The following PCDHGA8 variants were observed in gnomAD, a reference collection of about 807,000 sequenced individuals.
The protein encoded by PCDHGA8 is protocadherin gamma subfamily A, 8.
PCDHGA8 carries 45 observed loss-of-function variants against 59.2 expected under a neutral mutation model. That is an observed-to-expected ratio of 0.76 (90% confidence interval 0.60 to 0.98). PCDHGA8 has a LOEUF of 0.98. PCDHGA8 is among the 50% of genes least tolerant of loss of function. The probability of loss-of-function intolerance (pLI) is 0.00; values close to 1 mark genes in which losing one functional copy is unlikely to be tolerated. For missense variants in PCDHGA8, 1,257 were observed against 1,196.2 expected (o/e 1.05, Z -0.75); for synonymous variants, 531 against 519.0 (o/e 1.02, Z -0.32).
At chr5:141,478,050 C>T (rs2099429383) in intron 1 of PCDHGA8, 1 of 1,614,066 alleles carries the variant, frequency 6.2e-7, no homozygotes, top group Non-Finnish European at 8.5e-7. Flanking sequence ...CAGACTCTCA[C>T]GGTCTTGATC....
chr5:141,409,875 A>G, intron 1 of PCDHGA8: 1 of 1,612,810 alleles, frequency 6.2e-7, no homozygotes, highest in Non-Finnish European at 8.5e-7. Flanking sequence ...CGCAATGACA[A>G]CGCACCGCGG....
intron 1 of PCDHGA8, chr5:141,421,903 G>A (rs757656265): frequency 6.2e-6 from 10 of 1,613,704 alleles, no homozygotes; most frequent in African/African-American, 1.3e-5. Flanking sequence ...CCGAAAGGGC[G>A]CAGTTCCCAT....
intron 1 of PCDHGA8, among the ~76,000 whole-genome samples, chr5:141,464,749 T>A (rs1026757405): frequency 6.6e-6 from 1 of 152,216 alleles, no homozygotes; most frequent in African/African-American, 2.4e-5. Context: ...ATCTTTTTGT[T>A]TTTTTAGAGA....
intron 1 of PCDHGA8, chr5:141,414,638 A>G: frequency 6.2e-7 from 1 of 1,613,988 alleles, no homozygotes; most frequent in Non-Finnish European, 8.5e-7. Flanking sequence ...AGCAAAGAGA[A>G]TGCCCAGATT....
intron 1 of PCDHGA8, chr5:141,418,035 T>C: frequency 6.2e-7 from 1 of 1,614,000 alleles, no homozygotes; most frequent in Non-Finnish European, 8.5e-7. Context: ...CTTAGTGTCC[T>C]GGATGTGTCG....
chr5:141,403,607 G>A (rs2094432931), intron 1 of PCDHGA8: 6 of 1,613,854 alleles, frequency 3.7e-6, no homozygotes, highest in Non-Finnish European at 5.1e-6. Flanking sequence ...GGATGGCGGC[G>A]AGCCGCGTCG....
chr5:141,440,564 A>G (rs531383065), intron 1 of PCDHGA8: 1 of 152,248 alleles, frequency 6.6e-6, no homozygotes, highest in Admixed American at 6.5e-5. Context: ...TAAGTTACGT[A>G]TCTCTGAGTT....
Position 141,476,598 on chromosome 5 carries a change from A to G in PCDHGA8, c.2425-18209A>G, listed in dbSNP as rs1222456783. The G allele has an allele frequency of 6.2e-7, 1 of 1,614,238 alleles. No homozygotes were observed. Among genetic ancestry groups the G allele is most frequent in the South Asian group, 1.1e-5 (1 of 91,088 alleles). On this transcript the variant is annotated intron_variant, in intron 1 of 3. Transcript: ENST00000398604. This position sits in a 1 kb window ranked among gnomAD's most constrained non-coding sequence, Gnocchi z 7.6. ...CGCTTTCCGCTCGAGAGCGCGCACG[A>G]TCCCGATGTGGGAAGCAACTCTTTA... is the stretch of plus-strand genomic sequence containing the variant.
intron 3 of PCDHGA8, among the ~76,000 whole-genome samples, chr5:141,507,805 G>C (rs2099863746): frequency 6.6e-6 from 1 of 152,204 alleles, no homozygotes; most frequent in Non-Finnish European, 1.5e-5. Flanking sequence ...TGCGCCCTGG[G>C]GAACGGACCC....
At chr5:141,404,482 C>T (rs758102201) in intron 1 of PCDHGA8, 2 of 1,613,594 alleles carry the variant, frequency 1.2e-6, no homozygotes, top group East Asian at 2.2e-5. Context: ...TTAACTCAGA[C>T]ACTGGTGTGC....
chr5:141,496,523 G>T (rs1159517569), intron 2 of PCDHGA8, among the ~76,000 whole-genome samples: 1 of 152,128 alleles, frequency 6.6e-6, no homozygotes, highest in Non-Finnish European at 1.5e-5. Context: ...GGAGCCCTTG[G>T]TGTATGGCAG....
At chr5:141,459,245 C>G (rs1040972875) in intron 1 of PCDHGA8, among the ~76,000 whole-genome samples, 1 of 152,180 alleles carries the variant, frequency 6.6e-6, no homozygotes, top group African/African-American at 2.4e-5. Context: ...TGCTTCCTGT[C>G]ACTATAAATT....
Position 141,511,344 on chromosome 5 carries a change from T to G in PCDHGA8, c.*171T>G, listed in dbSNP as rs2099883730. 3 of 1,419,052 alleles carry G rather than the reference T, an allele frequency of 2.1e-6. No homozygotes were observed. Among genetic ancestry groups the G allele is most frequent in the Non-Finnish European group, 2.8e-6 (3 of 1,067,404 alleles). 87.9% of individuals were successfully genotyped at this position (1,419,052 alleles called of 1,614,324 possible). On this transcript the variant is annotated 3_prime_UTR_variant, in exon 4 of 4. Coordinates refer to ENST00000398604, the MANE Select transcript of PCDHGA8 (RefSeq NM_032088.2). The stretch of plus-strand genomic sequence containing the variant: ...CAAGTGCCCAGTCAGCACCTACCCC[T>G]TCCCCCCCAGGGGGTTGAATATGCA...
chr5:141,456,229 C>G (rs191169523), intron 1 of PCDHGA8, among the ~76,000 whole-genome samples: 9 of 152,234 alleles, frequency 5.9e-5, no homozygotes, highest in African/African-American at 1.7e-4. Context: ...ATCAAACTAA[C>G]TGCTGTTAGG....
In PCDHGA8 at chr5:141,403,922, G is replaced by A. The variant is rs770450211; in HGVS notation, c.2424+8685G>A. ...TGAAATGGAAATACAAGCTGAAGAT[G>A]GTGGGGGATTGAAAGGGTGGACAAA... On this transcript the variant is annotated intron_variant, in intron 1 of 3. Transcript: ENST00000398604. 6.2e-6 allele frequency: 10 copies of A among 1,613,904 alleles called. No individual in the cohort carries two copies. The East Asian group carries it at 2.2e-4, about 36-fold the overall frequency.
intron 3 of PCDHGA8, among the ~76,000 whole-genome samples, chr5:141,508,439 T>C (rs1037512760): frequency 1.3e-5 from 2 of 152,188 alleles, no homozygotes; most frequent in African/African-American, 4.8e-5. Flanking sequence ...ACACAGTTCC[T>C]TAGTGGCAGA....
intron 1 of PCDHGA8, among the ~76,000 whole-genome samples, chr5:141,434,054 C>T (rs1241950753): frequency 6.6e-6 from 1 of 152,094 alleles, no homozygotes; most frequent in Non-Finnish European, 1.5e-5. Flanking sequence ...ATTCAATGGC[C>T]TGTAATCTGT....
Position 141,432,691 on chromosome 5 carries a change from G to T in PCDHGA8, c.2424+37454G>T. 1 of 1,613,942 alleles carries T rather than the reference G, an allele frequency of 6.2e-7. No individual in the cohort carries two copies. The highest frequency in any genetic ancestry group is 1.1e-5 in the South Asian group (1 of 91,068). On this transcript the variant is annotated intron_variant, in intron 1 of 3. Coordinates refer to ENST00000398604, the MANE Select transcript of PCDHGA8 (RefSeq NM_032088.2). This position sits in a 1 kb window ranked among gnomAD's most constrained non-coding sequence, Gnocchi z 6.0. ...ACGCGCTCAAGCAGAGCCTCGTAGT[G>T]GCCGTCCAGGACCACGGCCAGCCCC... is the stretch of plus-strand genomic sequence containing the variant.
In PCDHGA8 at chr5:141,466,692, A is replaced by G. The variant is rs185786515; in HGVS notation, c.2425-28115A>G. Among the ~76,000 whole-genome samples the G allele has an allele frequency of 3.0e-4, 46 of 152,280 alleles. 1 individual carries two copies. The highest frequency in any genetic ancestry group is 1.0e-3 in the African/African-American group (43 of 41,558). On this transcript the variant is annotated intron_variant, in intron 1 of 3. Coordinates refer to ENST00000398604, the MANE Select transcript of PCDHGA8 (RefSeq NM_032088.2). ...ACCGTTCTTCCACTCAAGCTTCATCATAAATTTGATGTCTGTTCTTGTTTC... is the reference window on the plus strand; with the variant it reads ...ACCGTTCTTCCACTCAAGCTTCATCGTAAATTTGATGTCTGTTCTTGTTTC...
Sources: gnomAD v4.1 joint callset for allele counts (sites outside exome capture counted in the v4.1 genomes callset) on GRCh38, gnomAD v4.1.1 for gene constraint, Gnocchi (gnomAD v3.1) non-coding constraint, MANE v1.5 for transcripts, NCBI Gene and HGNC (gene_info 2026-07-23, HGNC 2026-07-21) for gene names.